The following TUBG1 variants were observed in gnomAD, a reference collection of about 807,000 sequenced individuals.
TUBG1 encodes tubulin gamma-1 chain.
In TUBG1, 22 loss-of-function variants were observed where a neutral mutation model predicts 53.3. The observed-to-expected ratio is 0.41, with a 90% CI of 0.29 to 0.59. TUBG1 has a LOEUF of 0.59. Among genes scored for constraint, TUBG1 ranks in the 20% least tolerant of loss-of-function variants. The probability of loss-of-function intolerance (pLI) is 0.26; values close to 1 mark genes in which losing one functional copy is unlikely to be tolerated. For missense variants in TUBG1, 217 were observed against 598.9 expected (o/e 0.36, Z 6.66); for synonymous variants, 198 against 236.7 (o/e 0.84, Z 1.50).
rs1404189409 is a variant in TUBG1, at chr17:42,615,106, C to A, written c.*65C>A. 10 of 1,536,604 alleles carry A rather than the reference C, an allele frequency of 6.5e-6. No homozygotes were observed. The highest frequency in any genetic ancestry group is 9.0e-6 in the Non-Finnish European group (10 of 1,115,882). ...GCCCAAGCCCTGCCTGACTGACCAC[C>A]CCCTCAGAGCACAGATCAGGGACCT... On this transcript the variant is annotated 3_prime_UTR_variant, in exon 11 of 11. Coordinates refer to ENST00000251413, the MANE Select transcript of TUBG1 (RefSeq NM_001070.5).
In TUBG1 at chr17:42,614,965, T is replaced by C; in HGVS notation, c.1280T>C (p.Ile427Thr). The C allele has an allele frequency of 6.2e-7, 1 of 1,614,174 alleles. No homozygotes were observed. The highest frequency in any genetic ancestry group is 8.5e-7 in the Non-Finnish European group (1 of 1,180,028). Reference sequence around the variant, plus strand: ...GATGAGATGGACACATCCAGGGAGATTGTGCAGCAGCTCATCGATGAGTAC... The same window carrying C: ...GATGAGATGGACACATCCAGGGAGACTGTGCAGCAGCTCATCGATGAGTAC... Reference protein sequence around the residue: ...NFDEMDTSREIVQQLIDEYHA... With the variant: ...NFDEMDTSRETVQQLIDEYHA... The change falls in exon 11 of 11, where the codon ATT (isoleucine) becomes ACT (threonine). Residue 427 changes from isoleucine (I) to threonine (T), a missense_variant. By Grantham distance (89) the Ile-to-Thr change is moderately conservative (BLOSUM62 -1). Transcript: ENST00000251413. The surrounding 1 kb of genome is among the most constrained non-coding windows in gnomAD (Gnocchi z 5.1).
Position 42,612,513 on chromosome 17 carries a change from TTG to T in TUBG1, c.479+11_479+12del, listed in dbSNP as rs1365332001. ...TAGAACGGCTGAATGACAGGTAAGT[TTG>T]TGTTTGGGGATTAGGAAAGGTCTCC... is the stretch of plus-strand genomic sequence containing the variant. On this transcript the variant is annotated splice_region_variant and intron_variant, in intron 5 of 10. Coordinates refer to ENST00000251413, the MANE Select transcript of TUBG1 (RefSeq NM_001070.5). The T allele has an allele frequency of 6.2e-7, 1 of 1,613,832 alleles. No individual in the cohort carries two copies. Among genetic ancestry groups the T allele is most frequent in the Non-Finnish European group, 8.5e-7 (1 of 1,179,940 alleles).
chr17:42,613,752 A>G lies in TUBG1; in HGVS notation c.693+19A>G. 11 of 1,613,736 alleles carry G rather than the reference A, an allele frequency of 6.8e-6. No homozygotes were observed. Among genetic ancestry groups the G allele is most frequent in the Non-Finnish European group, 9.3e-6 (11 of 1,179,932 alleles). On this transcript the variant is annotated intron_variant, in intron 7 of 10. Coordinates refer to ENST00000251413, the MANE Select transcript of TUBG1 (RefSeq NM_001070.5). ...CCAGCTGGTGGGCCCCCACTCCTGG[A>G]CTCCTTTGGACTTGAAGCCCTCCTT...
chr17:42,610,405 C>T lies in TUBG1; in HGVS notation c.163-18C>T. ...CCGCCCTAGCTGATTGGGCCCCCTC[C>T]TGGACTCCCCTTGACAGGCAGACGA... On this transcript the variant is annotated intron_variant, in intron 2 of 10. Transcript: ENST00000251413. 1 of 1,574,054 alleles carries T rather than the reference C, an allele frequency of 6.4e-7. No homozygotes were observed. Among genetic ancestry groups the T allele is most frequent in the Non-Finnish European group, 8.7e-7 (1 of 1,154,732 alleles).
At position 42,610,664 on chromosome 17, in the gene TUBG1, G is replaced by A. The variant is rs1394922877; in HGVS notation, c.330+74G>A. Reference sequence around the variant, plus strand: ...GGCTCTATGACGTCCCGAAGAGAGGGAAAACCGGATCAGGGATGTATGAAT... The same window carrying A: ...GGCTCTATGACGTCCCGAAGAGAGGAAAAACCGGATCAGGGATGTATGAAT... On this transcript the variant is annotated intron_variant, in intron 3 of 10. Transcript: ENST00000251413. 1.9e-6 allele frequency: 3 copies of A among 1,600,938 alleles called. No individual in the cohort carries two copies. In the South Asian group the frequency reaches 3.3e-5, roughly 18 times the overall value.
At position 42,610,496 on chromosome 17, in the gene TUBG1, A is replaced by G; in HGVS notation, c.236A>G (p.Asn79Ser). ...LEPRVIHSIL[N>S]SPYAKLYNPE... ...CCCCGGGTGATCCACTCCATCCTCAACTCCCCCTATGCCAAGCTCTACAAC... is the reference window on the plus strand; with the variant it reads ...CCCCGGGTGATCCACTCCATCCTCAGCTCCCCCTATGCCAAGCTCTACAAC... The change falls in exon 3 of 11, where the codon AAC (asparagine) becomes AGC (serine). Residue 79 changes from asparagine to serine, a missense_variant. This residue lies in a region of TUBG1 where 57 missense variants were observed against 169.3 expected (regional missense o/e 0.34). Coordinates refer to ENST00000251413, the MANE Select transcript of TUBG1 (RefSeq NM_001070.5). 9 of 1,613,448 alleles carry G rather than the reference A, an allele frequency of 5.6e-6. No homozygotes were observed. The highest frequency in any genetic ancestry group is 7.6e-6 in the Non-Finnish European group (9 of 1,179,662).
intron 3 of TUBG1, chr17:42,611,244 G>A: frequency 6.6e-6 from 1 of 152,292 alleles, no homozygotes; most frequent in East Asian, 1.9e-4. Flanking sequence ...TGCTGGGATT[G>A]CAGGCGTGAA....
In TUBG1 at chr17:42,614,032, G is replaced by A. The variant is rs780443398; in HGVS notation, c.843+34G>A. On this transcript the variant is annotated intron_variant, in intron 8 of 10. Transcript: ENST00000251413. This position sits in a 1 kb window ranked among gnomAD's most constrained non-coding sequence, Gnocchi z 5.1. ...AGCCTTCAGTGTCCCAGGCCAGGCCGGCCCTGGGCCCAACAGGCCCTGTCC... is the reference window on the plus strand; with the variant it reads ...AGCCTTCAGTGTCCCAGGCCAGGCCAGCCCTGGGCCCAACAGGCCCTGTCC... The A allele has an allele frequency of 8.7e-6, 14 of 1,613,878 alleles. No homozygotes were observed. The highest frequency in any genetic ancestry group is 5.5e-5 in the South Asian group (5 of 91,046).
At chr17:42,611,243 T>A in intron 3 of TUBG1, 1 of 152,440 alleles carries the variant, frequency 6.6e-6, no homozygotes, top group East Asian at 1.9e-4. Flanking sequence ...GTGCTGGGAT[T>A]GCAGGCGTGA....
chr17:42,609,714 T>C lies in TUBG1; in HGVS notation c.-24T>C. 1 of 1,544,766 alleles carries C rather than the reference T, an allele frequency of 6.5e-7. No individual in the cohort carries two copies. The highest frequency in any genetic ancestry group is 8.7e-7 in the Non-Finnish European group (1 of 1,144,006). ...CGGCGCCGTTGCGGGCGGGAGCGGC[T>C]GCAACGCCGGTGCCTGAGGAGCGAT... On this transcript the variant is annotated 5_prime_UTR_variant, in exon 1 of 11. Transcript: ENST00000251413.
At chr17:42,612,583 T>C in intron 5 of TUBG1, 77 bp downstream of exon 5, 1 of 1,336,298 alleles carries the variant, frequency 7.5e-7, no homozygotes, top group Non-Finnish European at 1.1e-6. Context: ...CAGATATAAC[T>C]CCATATTTGC....
At position 42,610,739 on chromosome 17, in the gene TUBG1, A is replaced by G. The variant is rs546144759; in HGVS notation, c.330+149A>G. ...GGGAGTGGACTATGTAATATTGTCA[A>G]GCGCCTACACTAGCTAATGCAGTGT... On this transcript the variant is annotated intron_variant, in intron 3 of 10. Transcript: ENST00000251413. 5.2e-6 allele frequency: 6 copies of G among 1,148,856 alleles called. No homozygotes were observed. In the Admixed American group the frequency reaches 1.0e-4, roughly 20 times the overall value. The allele number at this position is 1,148,856 out of a possible 1,614,324, so 71.2% of individuals were successfully genotyped here. A position where few individuals can be genotyped will look rare whatever the true frequency, so the allele number is the denominator to read the frequency against.
At position 42,614,642 on chromosome 17, in the gene TUBG1, C is replaced by T. The variant is rs1249450190; in HGVS notation, c.1143C>T (p.His381=). 1 of 1,614,044 alleles carries T rather than the reference C, an allele frequency of 6.2e-7. No homozygotes were observed. The highest frequency in any genetic ancestry group is 8.5e-7 in the Non-Finnish European group (1 of 1,179,918). ...TCAGCGGGCTCATGATGGCCAACCA[C>T]ACCAGCATCTCCTCGGTGAGTCTCA... ...HRVSGLMMAN[H]TSISSLFERT... Residue 381 remains histidine (H), a synonymous_variant, in exon 10 of 11, where the codon CAC becomes CAT. Coordinates refer to ENST00000251413, the MANE Select transcript of TUBG1 (RefSeq NM_001070.5). This position sits in a 1 kb window ranked among gnomAD's most constrained non-coding sequence, Gnocchi z 5.1.
rs747987938 is a variant in TUBG1 at position 42,614,603 on chromosome 17, C to A, written c.1104C>A (p.Pro368=). 2.2e-5 allele frequency: 35 copies of A among 1,614,062 alleles called. No individual in the cohort carries two copies. Among genetic ancestry groups the A allele is most frequent in the Middle Eastern group, 1.6e-4 (1 of 6,084 alleles). Residue 368 remains proline (P), a synonymous_variant, in exon 10 of 11, where the codon CCC becomes CCA. Coordinates refer to ENST00000251413, the MANE Select transcript of TUBG1 (RefSeq NM_001070.5). This position sits in a 1 kb window ranked among gnomAD's most constrained non-coding sequence, Gnocchi z 5.1. The part of the protein sequence containing the change: ...VALSRKSPYL[P]SAHRVSGLMM... ...TGTCGAGGAAGTCTCCCTACCTGCCCTCGGCCCACCGGGTCAGCGGGCTCA... is the reference window on the plus strand; with the variant it reads ...TGTCGAGGAAGTCTCCCTACCTGCCATCGGCCCACCGGGTCAGCGGGCTCA...
chr17:42,609,804 C>A lies in TUBG1; in HGVS notation c.49+18C>A. The A allele has an allele frequency of 6.4e-7, 1 of 1,550,646 alleles. No individual in the cohort carries two copies. Among genetic ancestry groups the A allele is most frequent in the Non-Finnish European group, 8.7e-7 (1 of 1,146,478 alleles). Reference sequence around the variant, plus strand: ...CAATCAGAGTGAGCGAAACTCCGGCCCCTCAGCTAGCCAGGTTCCTTAGGG... The same window carrying A: ...CAATCAGAGTGAGCGAAACTCCGGCACCTCAGCTAGCCAGGTTCCTTAGGG... On this transcript the variant is annotated intron_variant, in intron 1 of 10. Transcript: ENST00000251413.
intron 3 of TUBG1, 32 bp downstream of exon 3, chr17:42,610,622 C>T (rs1217495551): frequency 6.2e-7 from 1 of 1,614,012 alleles, no homozygotes; most frequent in Admixed American, 1.7e-5. Flanking sequence ...GGGCCCACAA[C>T]TCGCTGGGTA....
intron 6 of TUBG1, 141 bp from the exon 7 acceptor site, chr17:42,613,506 C>A: frequency 7.9e-7 from 1 of 1,269,894 alleles, no homozygotes; most frequent in Non-Finnish European, 1.1e-6. Context: ...CCCTCCTTTG[C>A]CCTAGGTCAG....
In TUBG1 at chr17:42,613,763, C is replaced by T. The variant is rs749084901; in HGVS notation, c.693+30C>T. On this transcript the variant is annotated intron_variant, in intron 7 of 10. Coordinates refer to ENST00000251413, the MANE Select transcript of TUBG1 (RefSeq NM_001070.5). ...GCCCCCACTCCTGGACTCCTTTGGA[C>T]TTGAAGCCCTCCTTGTTGGAGGGTC... 7 of 1,614,160 alleles carry T rather than the reference C, an allele frequency of 4.3e-6. No individual in the cohort carries two copies. The Admixed American group carries it at 6.7e-5, about 15-fold the overall frequency.
chr17:42,614,173 C>T lies in TUBG1; in HGVS notation c.844-87C>T. 8.7e-6 allele frequency: 14 copies of T among 1,600,950 alleles called. No homozygotes were observed. Among genetic ancestry groups the T allele is most frequent in the Non-Finnish European group, 1.2e-5 (14 of 1,171,496 alleles). ...TCTTGCTGACTTGCTCTCCACCCTC[C>T]CTCTGCCTTTGGCTTCTGCCAAAGA... On this transcript the variant is annotated intron_variant, in intron 8 of 10. Transcript: ENST00000251413. The surrounding 1 kb of genome is among the most constrained non-coding windows in gnomAD (Gnocchi z 5.1).
Sources: gnomAD v4.1 joint callset for allele counts on GRCh38, gnomAD v4.1.1 for gene constraint, gnomAD v4.1.1 regional missense constraint, Gnocchi (gnomAD v3.1) non-coding constraint, MANE v1.5 for transcripts, NCBI Gene and HGNC (gene_info 2026-07-23, HGNC 2026-07-21) for gene names.